The following CDH13 variants were observed in gnomAD, a reference collection of about 807,000 sequenced individuals.
CDH13 encodes cadherin-13.
In CDH13, 24 loss-of-function variants were observed where a neutral mutation model predicts 63.8. The observed-to-expected ratio is 0.38, with a 90% CI of 0.27 to 0.53. CDH13 has a LOEUF of 0.53. CDH13 is among the 20% of genes least tolerant of loss of function. CDH13 has a pLI of 0.85. For missense variants in CDH13, 1,049 were observed against 903.1 expected, an observed-to-expected ratio of 1.16 and a Z score of -2.07; for synonymous variants, 503 against 355.3, an observed-to-expected ratio of 1.42 and a Z score of -4.67.
chr16:83,029,025 C>G (rs1228804162), intron 2 of CDH13, among the ~76,000 whole-genome samples: 1 of 152,176 alleles, frequency 6.6e-6, no homozygotes, highest in Non-Finnish European at 1.5e-5. Flanking sequence ...GTTTCCTTAT[C>G]TAGAAACTGT....
intron 5 of CDH13, among the ~76,000 whole-genome samples, chr16:83,296,206 G>A (rs367738762): frequency 2.0e-4 from 30 of 152,176 alleles, no homozygotes; most frequent in Middle Eastern, 6.8e-3. Context: ...TCTTCTTTGT[G>A]CTTCTCTGTC....
intron 1 of CDH13, among the ~76,000 whole-genome samples, chr16:82,648,440 G>A (rs145326960): frequency 2.0e-5 from 3 of 152,268 alleles, no homozygotes; most frequent in African/African-American, 7.2e-5. Context: ...ATGAAAACAG[G>A]TTAGGCAGCT....
rs998398500 is a variant in CDH13 at position 83,798,093 on chromosome 16, A to G, written c.*3063A>G. ...AATAAGACTTTGGCTCTTAAAGAAC[A>G]TCGTTAGAAATTTTGATAGCTCATT... On this transcript the variant is annotated 3_prime_UTR_variant, in exon 14 of 14. Coordinates refer to ENST00000567109, the MANE Select transcript of CDH13 (RefSeq NM_001257.5). 6 of 152,208 alleles carry G rather than the reference A, an allele frequency of 3.9e-5. No homozygotes were observed. Among genetic ancestry groups the G allele is most frequent in the African/African-American group, 1.2e-4 (5 of 41,460 alleles). 9.4% of individuals were successfully genotyped at this position (152,208 alleles called of 1,614,324 possible).
At chr16:82,903,300 T>A (rs2041530129) in intron 2 of CDH13, among the ~76,000 whole-genome samples, 1 of 152,154 alleles carries the variant, frequency 6.6e-6, no homozygotes, top group African/African-American at 2.4e-5. Context: ...GAATCATGGG[T>A]TTCTCAGAGC....
intron 8 of CDH13, among the ~76,000 whole-genome samples, chr16:83,614,617 A>C (rs931555920): frequency 6.6e-6 from 1 of 152,126 alleles, no homozygotes; most frequent in Admixed American, 6.5e-5. Flanking sequence ...GGCACTTTCA[A>C]ATAAGTGGGG....
At chr16:83,437,548 A>G (rs1011688091) in intron 6 of CDH13, among the ~76,000 whole-genome samples, 3 of 152,094 alleles carry the variant, frequency 2.0e-5, no homozygotes, top group South Asian at 4.2e-4. Context: ...GTAGTGGGAC[A>G]TGCCTGTAGT....
chr16:83,276,623 C>T (rs1206009820), intron 5 of CDH13, among the ~76,000 whole-genome samples: 1 of 152,122 alleles, frequency 6.6e-6, no homozygotes, highest in East Asian at 1.9e-4. Context: ...GTAATCCCAG[C>T]ACTTTGGGAG....
chr16:82,850,614 T>C (rs1288579492), intron 1 of CDH13, among the ~76,000 whole-genome samples: 1 of 152,212 alleles, frequency 6.6e-6, no homozygotes, highest in Non-Finnish European at 1.5e-5. Context: ...AGTTCTCCTG[T>C]GGGTTAGATG....
intron 1 of CDH13, among the ~76,000 whole-genome samples, chr16:82,790,850 C>G (rs2036263413): frequency 6.6e-6 from 1 of 152,122 alleles, no homozygotes; most frequent in Non-Finnish European, 1.5e-5. Context: ...GAAAACTGCC[C>G]CCATGATTCA....
chr16:82,962,422 TG>T (rs1162915083), intron 2 of CDH13, among the ~76,000 whole-genome samples: 2 of 152,342 alleles, frequency 1.3e-5, no homozygotes, highest in Admixed American at 6.5e-5. Flanking sequence ...AAATCCCTAT[TG>T]TTTTTTTGCC....
intron 2 of CDH13, among the ~76,000 whole-genome samples, chr16:82,997,880 A>G (rs980179522): frequency 3.9e-5 from 6 of 152,240 alleles, no homozygotes; most frequent in African/African-American, 1.4e-4. Flanking sequence ...CAGGCCAACA[A>G]TATCAGCTAA....
chr16:82,868,727 T>C (rs1448427872), intron 2 of CDH13, among the ~76,000 whole-genome samples: 1 of 152,228 alleles, frequency 6.6e-6, no homozygotes, highest in Non-Finnish European at 1.5e-5. Context: ...TTTGGCTGCT[T>C]AGTGTGAGAA....
At chr16:83,706,232 G>A (rs949260889) in intron 10 of CDH13, among the ~76,000 whole-genome samples, 8 of 152,174 alleles carry the variant, frequency 5.3e-5, no homozygotes, top group African/African-American at 1.4e-4. Context: ...CAACATGGCG[G>A]CCAGGTTCCA....
chr16:82,920,339 C>T (rs971283904), intron 2 of CDH13, among the ~76,000 whole-genome samples: 7 of 152,212 alleles, frequency 4.6e-5, no homozygotes, highest in Non-Finnish European at 7.3e-5. Context: ...CACATCCATC[C>T]TTCAGAGAAA....
At chr16:83,275,090 C>G (rs943162410) in intron 5 of CDH13, among the ~76,000 whole-genome samples, 3 of 152,116 alleles carry the variant, frequency 2.0e-5, no homozygotes, top group South Asian at 2.1e-4. Context: ...GTTGGTCACT[C>G]CTACTATATT....
chr16:83,202,480 G>GT (rs1487613848), intron 4 of CDH13, among the ~76,000 whole-genome samples: 1 of 152,182 alleles, frequency 6.6e-6, no homozygotes, highest in Admixed American at 6.5e-5. Context: ...CGGCTTCACA[G>GT]AGTGAGAAAC....
At position 83,783,352 on chromosome 16, in the gene CDH13, A is replaced by G. The variant is rs1915661475; in HGVS notation, c.2014A>G (p.Ile672Val). The G allele has an allele frequency of 1.2e-6, 2 of 1,614,006 alleles. No individual in the cohort carries two copies. Among genetic ancestry groups the G allele is most frequent in the East Asian group, 2.2e-5 (1 of 44,880 alleles). Residue 672 changes from isoleucine to valine, a missense_variant, in exon 13 of 14, where the codon ATC becomes GTC. Ile to Val is a conservative substitution (Grantham distance 29, BLOSUM62 3). Transcript: ENST00000567109. ...TTCAGGGAAACCACCCATGACGAAT[A>G]TCACAGATCTCAGGGTACAAGTGTG... Reference protein sequence around the residue: ...TDSGKPPMTNITDLRVQVCSC... With the variant: ...TDSGKPPMTNVTDLRVQVCSC...
chr16:82,633,314 C>T lies in CDH13; in HGVS notation c.45+6177C>T, dbSNP rs115289681. ...CTCTACTTAGACTTGCCAAGGCCTC[C>T]GGGAACACTGCTCTAATATTCAGCA... On this transcript the variant is annotated intron_variant, in intron 1 of 13. Transcript: ENST00000567109. Among the ~76,000 whole-genome samples the T allele has an allele frequency of 5.6e-3, 855 of 152,314 alleles. 8 individuals are homozygous for T. The highest frequency in any genetic ancestry group is 0.019 in the African/African-American group (805 of 41,570).
chr16:83,328,585 A>G (rs1357949145), intron 5 of CDH13, among the ~76,000 whole-genome samples: 1 of 152,158 alleles, frequency 6.6e-6, no homozygotes, highest in African/African-American at 2.4e-5. Flanking sequence ...CTCAGAAACA[A>G]TTTACTAAGC....
Sources: gnomAD v4.1 joint callset for allele counts (sites outside exome capture counted in the v4.1 genomes callset) on GRCh38, gnomAD v4.1.1 for gene constraint, MANE v1.5 for transcripts, NCBI Gene and HGNC (gene_info 2026-07-23, HGNC 2026-07-21) for gene names.